DGKI: variants seen among roughly 807,000 people sequenced by gnomAD.
DGKI encodes the protein diacylglycerol kinase iota.
A neutral mutation model predicts 147.5 loss-of-function variants in DGKI; 55 were observed. The observed-to-expected ratio is 0.37, with a 90% CI of 0.30 to 0.47. The LOEUF (loss-of-function observed/expected upper bound fraction) is 0.47, where lower values mean the gene tolerates loss of function less well. Ranked by LOEUF, DGKI falls within the 20% of genes least tolerant of loss-of-function variation. DGKI has a pLI of 1.00. For missense variants in DGKI, 1,007 were observed against 1,323.8 expected (o/e 0.76, Z 3.71); for synonymous variants, 469 against 477.1 (o/e 0.98, Z 0.22).
intron 14 of DGKI, among the ~76,000 whole-genome samples, chr7:137,582,785 G>A (rs375823279): frequency 1.3e-5 from 2 of 152,252 alleles, no homozygotes; most frequent in South Asian, 2.1e-4. Flanking sequence ...TCAGTTAAAT[G>A]TTAGAACAAT....
At chr7:137,786,707 T>C (rs1374169459) in intron 1 of DGKI, among the ~76,000 whole-genome samples, 1 of 151,294 alleles carries the variant, frequency 6.6e-6, no homozygotes, top group African/African-American at 2.4e-5. Flanking sequence ...AGGCATCACA[T>C]TACTCAACTC....
intron 21 of DGKI, among the ~76,000 whole-genome samples, chr7:137,495,744 G>A (rs1218192231): frequency 6.6e-6 from 1 of 152,020 alleles, no homozygotes. Flanking sequence ...AAGGGCTTTT[G>A]ACAAAATTCA....
intron 19 of DGKI, among the ~76,000 whole-genome samples, chr7:137,569,646 G>A (rs1042976113): frequency 9.7e-5 from 14 of 143,904 alleles, no homozygotes; most frequent in Non-Finnish European, 2.0e-4. Flanking sequence ...GGAGAATGGC[G>A]TGAACCCAGG....
chr7:137,448,371 T>C (rs567818562), intron 27 of DGKI, among the ~76,000 whole-genome samples: 3 of 147,366 alleles, frequency 2.0e-5, no homozygotes, highest in African/African-American at 7.5e-5. Flanking sequence ...CAGCATGACA[T>C]CTATGCAAAA....
intron 21 of DGKI, among the ~76,000 whole-genome samples, chr7:137,493,556 C>A (rs915471076): frequency 6.6e-6 from 1 of 152,170 alleles, no homozygotes; most frequent in Non-Finnish European, 1.5e-5. Flanking sequence ...GAGTGTTGAG[C>A]TGAGCATTGG....
chr7:137,420,285 G>A (rs114266362), intron 28 of DGKI, among the ~76,000 whole-genome samples: 4,601 of 152,268 alleles, frequency 0.03, 99 homozygotes, highest in African/African-American at 0.069. Flanking sequence ...CCACGTTTGC[G>A]CATATACAAG....
intron 20 of DGKI, 73 bp from the exon 21 acceptor site, chr7:137,522,039 A>C: frequency 9.6e-7 from 1 of 1,042,744 alleles, no homozygotes; most frequent in East Asian, 2.5e-5. Context: ...TGAAGGAATA[A>C]GGGCAATATT....
rs1563075671 is a variant in DGKI at position 137,540,761 on chromosome 7, C to CAAA, written c.2147+11607_2147+11608insTTT. Among the ~76,000 whole-genome samples the CAAA allele has an allele frequency of 1.2e-3, 44 of 35,540 alleles. 12 individuals are homozygous for CAAA. The highest frequency in any genetic ancestry group is 3.2e-3 in the South Asian group (3 of 952). 23.3% of individuals were successfully genotyped at this position (35,540 alleles called of 152,430 possible). A position where few individuals can be genotyped will look rare whatever the true frequency, so the allele number is the denominator to read the frequency against. On this transcript the variant is annotated intron_variant, in intron 20 of 32. Transcript: ENST00000614521. ...GGAAACAAACATTTTAAAAACCCCCCCAAAAAAAAAAAAAAAAAAAAAAAA... is the reference window on the plus strand; with the variant it reads ...GGAAACAAACATTTTAAAAACCCCCCAAACAAAAAAAAAAAAAAAAAAAAAAAA...
chr7:137,785,366 GGAGAT>G (rs1315958353), intron 1 of DGKI, among the ~76,000 whole-genome samples: 2 of 151,406 alleles, frequency 1.3e-5, no homozygotes, highest in Non-Finnish European at 3.0e-5. Context: ...AAAACCTGGA[GGAGAT>G]AAATTTCAGG....
chr7:137,663,607 G>C (rs1167253694), intron 3 of DGKI, among the ~76,000 whole-genome samples: 2 of 152,112 alleles, frequency 1.3e-5, no homozygotes, highest in Non-Finnish European at 2.9e-5. Context: ...GTTGAGTGTG[G>C]AGGTTTGAAC....
At chr7:137,705,669 G>C (rs1793996916) in intron 1 of DGKI, among the ~76,000 whole-genome samples, 1 of 151,926 alleles carries the variant, frequency 6.6e-6, no homozygotes, top group Admixed American at 6.6e-5. Flanking sequence ...GTACACATTT[G>C]CAAAACTCAT....
At chr7:137,494,425 G>A (rs1217992096) in intron 21 of DGKI, among the ~76,000 whole-genome samples, 3 of 152,086 alleles carry the variant, frequency 2.0e-5, no homozygotes, top group East Asian at 1.9e-4. Context: ...CTAGAAAGAA[G>A]GGGCAGGTCA....
intron 30 of DGKI, among the ~76,000 whole-genome samples, chr7:137,406,154 A>T (rs1340863246): frequency 6.7e-6 from 1 of 149,514 alleles, no homozygotes; most frequent in African/African-American, 2.4e-5. Context: ...AAGAGAGTAG[A>T]TTGGAAGTGA....
intron 1 of DGKI, among the ~76,000 whole-genome samples, chr7:137,715,365 C>T (rs1454924390): frequency 6.6e-6 from 1 of 152,214 alleles, no homozygotes; most frequent in African/African-American, 2.4e-5. Flanking sequence ...GAAGCCTAGA[C>T]ATTTGTATTG....
intron 27 of DGKI, among the ~76,000 whole-genome samples, 190 bp downstream of exon 27, chr7:137,463,299 G>A (rs1814519688): frequency 6.6e-6 from 1 of 152,212 alleles, no homozygotes; most frequent in African/African-American, 2.4e-5. Context: ...GGAAGGTGGA[G>A]TTCCATGAAC....
chr7:137,537,665 C>T (rs1178549645), intron 20 of DGKI, among the ~76,000 whole-genome samples: 1 of 152,092 alleles, frequency 6.6e-6, no homozygotes, highest in African/African-American at 2.4e-5. Flanking sequence ...CAGATTTCTG[C>T]CCCAGACATG....
rs78909068 is a variant in DGKI, at chr7:137,397,837, C to T, written c.2921-424G>A. Among the ~76,000 whole-genome samples, 704 of 152,290 alleles carry T rather than the reference C, an allele frequency of 4.6e-3. 3 individuals are homozygous for T. Among genetic ancestry groups the T allele is most frequent in the African/African-American group, 0.016 (668 of 41,554 alleles). On this transcript the variant is annotated intron_variant, in intron 30 of 32. Coordinates refer to ENST00000614521, the MANE Select transcript of DGKI (RefSeq NM_001321708.2). ...AATATTAAGGCTGTAAGATACTATA[C>T]GTATCATCTAGGGTACAATTCCAGT...
chr7:137,762,058 T>G (rs1795870994), intron 1 of DGKI, among the ~76,000 whole-genome samples: 1 of 152,240 alleles, frequency 6.6e-6, no homozygotes, highest in Non-Finnish European at 1.5e-5. Context: ...ATTTTCTTAA[T>G]TATTTCTCAT....
chr7:137,598,945 A>C (rs972708632), intron 11 of DGKI, among the ~76,000 whole-genome samples: 47 of 152,182 alleles, frequency 3.1e-4, no homozygotes, highest in African/African-American at 1.1e-3. Flanking sequence ...TCATACGTTA[A>C]GAAAATAACA....
Sources: allele counts gnomAD v4.1 joint callset (sites outside exome capture counted in the v4.1 genomes callset), GRCh38; gene constraint gnomAD v4.1.1; transcripts MANE v1.5; gene names NCBI Gene and HGNC (gene_info 2026-07-23, HGNC 2026-07-21).